CDH12: variants seen among roughly 807,000 people sequenced by gnomAD.
The protein encoded by CDH12 is cadherin 12.
In CDH12, 41 loss-of-function variants were observed where a neutral mutation model predicts 74.1. The ratio of observed to expected loss-of-function variants is 0.55; its 90% CI spans 0.43 to 0.72. The LOEUF is 0.72. Ranked by LOEUF, CDH12 falls within the 30% of genes least tolerant of loss-of-function variation. The pLI, the probability that CDH12 is intolerant of heterozygous loss-of-function variation, is 0.00. For missense variants in CDH12, 945 were observed against 977.2 expected, an observed-to-expected ratio of 0.97 and a Z score of 0.44; for synonymous variants, 399 against 355.0, an observed-to-expected ratio of 1.12 and a Z score of -1.39.
chr5:22,062,476 C>A (rs1456532186), intron 5 of CDH12, among the ~76,000 whole-genome samples: 1 of 152,132 alleles, frequency 6.6e-6, no homozygotes, highest in Non-Finnish European at 1.5e-5. Context: ...AAGAATCAAG[C>A]TATGCACTTA....
intron 6 of CDH12, among the ~76,000 whole-genome samples, chr5:21,877,772 T>A (rs1752016951): frequency 6.6e-6 from 1 of 152,220 alleles, no homozygotes; most frequent in Admixed American, 6.5e-5. Context: ...ATTTTGGCAA[T>A]CCTGACACCT....
intron 6 of CDH12, among the ~76,000 whole-genome samples, chr5:21,967,344 A>C (rs1756630812): frequency 6.6e-6 from 1 of 152,304 alleles, no homozygotes; most frequent in East Asian, 1.9e-4. Flanking sequence ...ATAGTCCCGC[A>C]GCTGGAAGGC....
At chr5:22,150,682 A>T (rs1747515354) in intron 4 of CDH12, among the ~76,000 whole-genome samples, 1 of 152,166 alleles carries the variant, frequency 6.6e-6, no homozygotes, top group Admixed American at 6.5e-5. Context: ...AAATGGAATC[A>T]GATGTTTTTG....
chr5:22,784,389 A>T (rs1271789646), intron 1 of CDH12, among the ~76,000 whole-genome samples: 2 of 152,024 alleles, frequency 1.3e-5, no homozygotes, highest in Non-Finnish European at 2.9e-5. Flanking sequence ...TCTAGTTCAC[A>T]CTTAACACTC....
intron 1 of CDH12, among the ~76,000 whole-genome samples, chr5:22,611,893 T>C (rs1737422237): frequency 6.6e-6 from 1 of 152,090 alleles, no homozygotes; most frequent in African/African-American, 2.4e-5. Context: ...TGGATTCTCA[T>C]CATCCCTTTT....
chr5:22,459,473 C>G (rs1477923555), intron 2 of CDH12, among the ~76,000 whole-genome samples: 1 of 151,902 alleles, frequency 6.6e-6, no homozygotes. Context: ...CTGTGTGAGA[C>G]AAGAGTATGT....
intron 1 of CDH12, among the ~76,000 whole-genome samples, chr5:22,521,701 C>G (rs536997491): frequency 1.7e-4 from 26 of 152,290 alleles, no homozygotes; most frequent in African/African-American, 6.3e-4. Context: ...GCCACATGGT[C>G]TCTGTTGCAA....
At chr5:22,034,598 T>C (rs1739045702) in intron 5 of CDH12, among the ~76,000 whole-genome samples, 1 of 152,134 alleles carries the variant, frequency 6.6e-6, no homozygotes, top group Admixed American at 6.6e-5. Context: ...TAAAGGATAA[T>C]TTTCTAGTCT....
chr5:22,480,068 T>C (rs529378579), intron 2 of CDH12, among the ~76,000 whole-genome samples: 21 of 152,320 alleles, frequency 1.4e-4, no homozygotes, highest in African/African-American at 5.1e-4. Flanking sequence ...GAACTTTGAA[T>C]GAGTAGCAAA....
intron 5 of CDH12, among the ~76,000 whole-genome samples, chr5:21,997,366 T>C (rs563495567): frequency 2.4e-4 from 36 of 152,294 alleles, no homozygotes; most frequent in Admixed American, 5.2e-4. Context: ...AAATGATGAA[T>C]ATTTTCTGCA....
intron 1 of CDH12, among the ~76,000 whole-genome samples, chr5:22,515,489 A>G (rs1736771184): frequency 1.3e-5 from 2 of 152,122 alleles, no homozygotes; most frequent in Non-Finnish European, 2.9e-5. Flanking sequence ...TAAATTCTAC[A>G]TAAATACATA....
chr5:22,811,929 T>C (rs1168413719), intron 1 of CDH12, among the ~76,000 whole-genome samples: 1 of 152,090 alleles, frequency 6.6e-6, no homozygotes, highest in African/African-American at 2.4e-5. Flanking sequence ...AGAAGACAGC[T>C]AGGGTGTTCA....
intron 1 of CDH12, among the ~76,000 whole-genome samples, chr5:22,548,744 C>T (rs1483672373): frequency 2.0e-5 from 3 of 151,950 alleles, no homozygotes; most frequent in Middle Eastern, 3.4e-3. Context: ...TAGATAATTC[C>T]AACTTTCAAA....
At chr5:22,081,808 C>T (rs1742747522) in intron 4 of CDH12, among the ~76,000 whole-genome samples, 1 of 152,146 alleles carries the variant, frequency 6.6e-6, no homozygotes, top group Admixed American at 6.5e-5. Flanking sequence ...TGGCTCCCTA[C>T]CAGAGTAATC....
Position 21,755,714 on chromosome 5 carries a change from G to T in CDH12, c.1762C>A (p.Arg588=), listed in dbSNP as rs758953853. The change falls in exon 14 of 15, where the codon CGA becomes AGA. Residue 588 remains arginine (R), a synonymous_variant. Coordinates refer to ENST00000382254, the MANE Select transcript of CDH12 (RefSeq NM_004061.5). ...CCATCAGAGTCACATCTACAGACTC[G>T]AATAGTCATTGTGTTTGTGCTGCTC... ...VQSSTNTMTI[R]VCRCDSDGTI... is the part of the protein sequence containing the mutation. The T allele has an allele frequency of 3.7e-6, 6 of 1,614,050 alleles. No individual in the cohort carries two copies. Among genetic ancestry groups the T allele is most frequent in the Non-Finnish European group, 5.1e-6 (6 of 1,179,986 alleles).
At chr5:22,251,387 G>A (rs1753124452) in intron 3 of CDH12, among the ~76,000 whole-genome samples, 1 of 152,144 alleles carries the variant, frequency 6.6e-6, no homozygotes, top group African/African-American at 2.4e-5. Flanking sequence ...CAAGAATGTT[G>A]CTCAAATTAT....
At chr5:22,606,487 C>T (rs1737125267) in intron 1 of CDH12, among the ~76,000 whole-genome samples, 3 of 152,140 alleles carry the variant, frequency 2.0e-5, no homozygotes, top group Admixed American at 6.5e-5. Context: ...ATGCTGTTCT[C>T]ATGATAGTGA....
At chr5:22,429,756 G>A (rs898336189) in intron 2 of CDH12, among the ~76,000 whole-genome samples, 5 of 151,822 alleles carry the variant, frequency 3.3e-5, no homozygotes, top group African/African-American at 1.2e-4. Flanking sequence ...ACAGTCTGTT[G>A]GCTTCTGTCA....
chr5:22,362,294 A>C (rs1371022641), intron 3 of CDH12, among the ~76,000 whole-genome samples: 1 of 152,238 alleles, frequency 6.6e-6, no homozygotes, highest in Non-Finnish European at 1.5e-5. Context: ...ACTTCTCAAA[A>C]GAAGACATCT....
Sources: allele counts gnomAD v4.1 joint callset (sites outside exome capture counted in the v4.1 genomes callset), GRCh38; gene constraint gnomAD v4.1.1; transcripts MANE v1.5; gene names NCBI Gene and HGNC (gene_info 2026-07-23, HGNC 2026-07-21).